Variants in CCDC170 observed in about 807,000 individuals in gnomAD.
CCDC170 encodes the protein coiled-coil domain containing 170.
In CCDC170, 69 loss-of-function variants were observed where a neutral mutation model predicts 72.6. The ratio of observed to expected loss-of-function variants is 0.95; its 90% CI spans 0.78 to 1.16. The LOEUF (loss-of-function observed/expected upper bound fraction) is 1.16, where lower values mean the gene tolerates loss of function less well. Ranked by LOEUF, CCDC170 falls within the 50% of genes most tolerant of loss-of-function variation. The pLI, the probability that CCDC170 is intolerant of heterozygous loss-of-function variation, is 0.00. For missense variants in CCDC170, 852 were observed against 832.5 expected (o/e 1.02, Z -0.29); for synonymous variants, 300 against 303.9 (o/e 0.99, Z 0.13).
At chr6:151,565,083 T>A (rs140190503) in intron 5 of CCDC170, among the ~76,000 whole-genome samples, 92 of 152,214 alleles carry the variant, frequency 6.0e-4, no homozygotes, top group Middle Eastern at 3.4e-3. Flanking sequence ...GGTGGCCTGC[T>A]GTTAGTGGGG....
intron 9 of CCDC170, among the ~76,000 whole-genome samples, chr6:151,598,535 A>AGACCAAT (rs1307157439): frequency 1.3e-5 from 2 of 152,212 alleles, no homozygotes; most frequent in Non-Finnish European, 2.9e-5. Context: ...GAATTAGCTG[A>AGACCAAT]GACCAATGAT....
intron 1 of CCDC170, among the ~76,000 whole-genome samples, chr6:151,517,768 A>G (rs1027379465): frequency 6.6e-6 from 1 of 152,064 alleles, no homozygotes; most frequent in South Asian, 2.1e-4. Flanking sequence ...TAACTCCTGT[A>G]TCAATGTGAC....
intron 5 of CCDC170, among the ~76,000 whole-genome samples, chr6:151,548,993 TG>T (rs1410462221): frequency 6.6e-6 from 1 of 152,120 alleles, no homozygotes; most frequent in African/African-American, 2.4e-5. Context: ...TCCGCCACCC[TG>T]GTTCACACCA....
chr6:151,557,007 T>C (rs140282306), intron 5 of CCDC170, among the ~76,000 whole-genome samples: 94 of 152,304 alleles, frequency 6.2e-4, no homozygotes, highest in African/African-American at 2.2e-3. Context: ...GCCTGACTTA[T>C]TTCACTCAAC....
At chr6:151,548,956 A>G (rs1375070245) in intron 5 of CCDC170, among the ~76,000 whole-genome samples, 1 of 151,882 alleles carries the variant, frequency 6.6e-6, no homozygotes, top group African/African-American at 2.4e-5. Context: ...GCTGGAGTGC[A>G]GTGGTGCTAT....
chr6:151,516,691 T>C (rs891795214), intron 1 of CCDC170, among the ~76,000 whole-genome samples: 2 of 152,228 alleles, frequency 1.3e-5, no homozygotes, highest in East Asian at 1.9e-4. Context: ...AGGGAAAAAC[T>C]GGTCAGCTCT....
intron 6 of CCDC170, 90 bp downstream of exon 6, chr6:151,573,581 G>A (rs1807906): frequency 0.17 from 200,826 of 1,205,490 alleles, 17,666 homozygotes; most frequent in East Asian, 0.26. Flanking sequence ...CTATTCTCAC[G>A]CTGCTATAAG....
intron 2 of CCDC170, among the ~76,000 whole-genome samples, chr6:151,537,070 C>G (rs1396436838): frequency 6.6e-6 from 1 of 152,152 alleles, no homozygotes; most frequent in Non-Finnish European, 1.5e-5. Context: ...CTCAGAATAT[C>G]TTCCTTTAAT....
Position 151,617,408 on chromosome 6 carries a change from CTTTTTTTTTTTTTTTTTT to C in CCDC170, c.1948-511_1948-494del, listed in dbSNP as rs745655791. On this transcript the variant is annotated intron_variant, in intron 10 of 10. Coordinates refer to ENST00000239374, the MANE Select transcript of CCDC170 (RefSeq NM_025059.4). The stretch of plus-strand genomic sequence containing the variant: ...AGCTTATACTTTCTTGCTGTTTGTT[CTTTTTTTTTTTTTTTTTT>C]TTTTTTTTTTTTTTTTTTTTTTTTT... Among the ~76,000 whole-genome samples the C allele has an allele frequency of 7.7e-3, 703 of 91,262 alleles. 2 individuals carry two copies. Among genetic ancestry groups the C allele is most frequent in the Middle Eastern group, 0.017 (3 of 176 alleles). 59.9% of individuals were successfully genotyped at this position (91,262 alleles called of 152,430 possible).
intron 5 of CCDC170, among the ~76,000 whole-genome samples, chr6:151,555,570 A>G (rs184435672): frequency 3.9e-5 from 6 of 152,330 alleles, no homozygotes; most frequent in Non-Finnish European, 7.3e-5. Flanking sequence ...CTAATGTTCA[A>G]CCTTTCCTTT....
At chr6:151,587,030 C>T (rs962028764) in intron 7 of CCDC170, among the ~76,000 whole-genome samples, 8 of 151,968 alleles carry the variant, frequency 5.3e-5, no homozygotes, top group Admixed American at 3.3e-4. Context: ...ATGATCTGCC[C>T]GCCTCGGCCT....
chr6:151,576,947 G>A (rs540596721), intron 6 of CCDC170, among the ~76,000 whole-genome samples: 5 of 152,150 alleles, frequency 3.3e-5, no homozygotes, highest in South Asian at 2.1e-4. Context: ...CCTGCTTCCC[G>A]AACGTTGCTT....
At chr6:151,605,309 T>TG (rs1489493661) in intron 9 of CCDC170, among the ~76,000 whole-genome samples, 1 of 152,210 alleles carries the variant, frequency 6.6e-6, no homozygotes, top group Non-Finnish European at 1.5e-5. Context: ...AGTCAATGAT[T>TG]GGAGCATTGC....
intron 9 of CCDC170, among the ~76,000 whole-genome samples, chr6:151,597,300 G>A (rs1776641499): frequency 6.6e-6 from 1 of 151,930 alleles, no homozygotes; most frequent in Non-Finnish European, 1.5e-5. Flanking sequence ...TAATTTTTTT[G>A]TATTTTTAGT....
rs569311328 is a variant in CCDC170 at position 151,597,979 on chromosome 6, A to G, written c.1710+1402A>G. Among the ~76,000 whole-genome samples, 21 of 152,310 alleles carry G rather than the reference A, an allele frequency of 1.4e-4. No individual in the cohort carries two copies. The South Asian group carries it at 2.7e-3, about 20-fold the overall frequency. On this transcript the variant is annotated intron_variant, in intron 9 of 10. Coordinates refer to ENST00000239374, the MANE Select transcript of CCDC170 (RefSeq NM_025059.4). ...TGTAGTGGGGACCATGTTTTAGAAC[A>G]TATTTTCCACTGTAGTTTCCCTTCT...
intron 1 of CCDC170, among the ~76,000 whole-genome samples, chr6:151,503,742 C>T (rs930109287): frequency 7.9e-5 from 12 of 152,230 alleles, no homozygotes; most frequent in East Asian, 1.9e-4. Flanking sequence ...GGTGAGCCAC[C>T]GCGCCCAGCA....
intron 6 of CCDC170, 89 bp downstream of exon 6, chr6:151,573,580 C>T (rs567912590): frequency 2.0e-5 from 25 of 1,242,966 alleles, no homozygotes; most frequent in East Asian, 1.9e-4. Flanking sequence ...TCTATTCTCA[C>T]GCTGCTATAA....
At chr6:151,542,385 T>C (rs563912756) in intron 3 of CCDC170, among the ~76,000 whole-genome samples, 79 of 152,158 alleles carry the variant, frequency 5.2e-4, no homozygotes, top group Admixed American at 2.5e-3. Context: ...TACACCCAGC[T>C]GATTTTTAAA....
chr6:151,605,657 G>A (rs990714919), intron 9 of CCDC170, among the ~76,000 whole-genome samples: 2 of 152,100 alleles, frequency 1.3e-5, no homozygotes, highest in Non-Finnish European at 2.9e-5. Flanking sequence ...CATGAGTCTG[G>A]GGAGGTTTTC....
Sources: gnomAD v4.1 joint callset for allele counts (sites outside exome capture counted in the v4.1 genomes callset) on GRCh38, gnomAD v4.1.1 for gene constraint, MANE v1.5 for transcripts, NCBI Gene and HGNC (gene_info 2026-07-23, HGNC 2026-07-21) for gene names.